Variants in FGF12 observed in about 807,000 individuals in gnomAD.
FGF12 encodes fibroblast growth factor 12, also known as fibroblast growth factor 12B.
A neutral mutation model predicts 23.6 loss-of-function variants in FGF12; 14 were observed. The observed-to-expected ratio is 0.59, with a 90% CI of 0.39 to 0.93. FGF12 has a LOEUF of 0.93. Among genes scored for constraint, FGF12 ranks in the 40% least tolerant of loss-of-function variants. The pLI is 0.00. For missense variants in FGF12, 175 were observed against 217.8 expected, an observed-to-expected ratio of 0.80 and a Z score of 1.24; for synonymous variants, 62 against 77.3, an observed-to-expected ratio of 0.80 and a Z score of 1.04.
At chr3:192,526,214 C>A (rs1724942969) in intron 2 of FGF12, among the ~76,000 whole-genome samples, 2 of 152,182 alleles carry the variant, frequency 1.3e-5, no homozygotes, top group South Asian at 4.1e-4. Flanking sequence ...GTCAATAAAC[C>A]TTCCCTGGCT....
intron 2 of FGF12, among the ~76,000 whole-genome samples, chr3:192,627,369 G>A (rs768724647): frequency 1.1e-4 from 16 of 151,668 alleles, no homozygotes; most frequent in Non-Finnish European, 1.8e-4. Flanking sequence ...TAGTTTTATT[G>A]CTATCATAAT....
At chr3:192,347,632 T>G (rs1465567553) in intron 3 of FGF12, among the ~76,000 whole-genome samples, 1 of 152,162 alleles carries the variant, frequency 6.6e-6, no homozygotes, top group Non-Finnish European at 1.5e-5. Flanking sequence ...GTGCACTAGA[T>G]GTTAATCTTA....
In FGF12 at chr3:192,625,175, C is replaced by T. The variant is rs1029882447; in HGVS notation, c.13+102006G>A. The stretch of plus-strand genomic sequence containing the variant: ...TCATCTTTCACATGTCCCAGGATAT[C>T]TGAGGTAAATTTCTGGAAGTAGAAT... On this transcript the variant is annotated intron_variant, in intron 2 of 5. Coordinates refer to ENST00000445105, the MANE Select transcript of FGF12 (RefSeq NM_004113.6). Among the ~76,000 whole-genome samples, 4 of 152,056 alleles carry T rather than the reference C, an allele frequency of 2.6e-5. No individual in the cohort carries two copies. The East Asian group carries it at 7.7e-4, about 29-fold the overall frequency.
rs143236618 is a variant in FGF12 at position 192,172,483 on chromosome 3, AATTAAT to A, written c.229-1833_229-1828del. ...TAGTAAGATAATATGAATAGCAATAAATTAATATTATGTTTATATTAATACTGAAAT... is the reference window on the plus strand; with the variant it reads ...TAGTAAGATAATATGAATAGCAATAAATTATGTTTATATTAATACTGAAAT... On this transcript the variant is annotated intron_variant, in intron 4 of 5. Coordinates refer to ENST00000445105, the MANE Select transcript of FGF12 (RefSeq NM_004113.6). Among the ~76,000 whole-genome samples, 288 of 150,880 alleles carry A rather than the reference AATTAAT, an allele frequency of 1.9e-3. 13 individuals carry two copies. The East Asian group carries it at 0.045, about 24-fold the overall frequency.
At chr3:192,481,958 T>C (rs1233276053) in intron 2 of FGF12, among the ~76,000 whole-genome samples, 1 of 152,188 alleles carries the variant, frequency 6.6e-6, no homozygotes, top group Non-Finnish European at 1.5e-5. Flanking sequence ...TTTTTATTTG[T>C]CTAAATATGA....
At chr3:192,636,541 T>C (rs1715591524) in intron 2 of FGF12, among the ~76,000 whole-genome samples, 1 of 152,238 alleles carries the variant, frequency 6.6e-6, no homozygotes, top group Admixed American at 6.5e-5. Context: ...GCTACATCTT[T>C]ACTTCTTTTC....
chr3:192,380,986 T>C (rs1339357876), intron 2 of FGF12, among the ~76,000 whole-genome samples: 1 of 149,996 alleles, frequency 6.7e-6, no homozygotes, highest in African/African-American at 2.4e-5. Flanking sequence ...CTATTTAACA[T>C]AATGTATCCC....
At chr3:192,722,938 G>A (rs1320668847) in intron 2 of FGF12, among the ~76,000 whole-genome samples, 1 of 152,042 alleles carries the variant, frequency 6.6e-6, no homozygotes, top group African/African-American at 2.4e-5. Flanking sequence ...TAAATAAAAA[G>A]CACAAAAATT....
intron 4 of FGF12, among the ~76,000 whole-genome samples, chr3:192,253,018 T>G (rs1030762295): frequency 3.9e-5 from 6 of 152,142 alleles, no homozygotes; most frequent in African/African-American, 1.4e-4. Context: ...AATGGATTTA[T>G]GAATTGATCA....
intron 2 of FGF12, among the ~76,000 whole-genome samples, chr3:192,634,851 G>A (rs957835309): frequency 2.0e-5 from 3 of 151,830 alleles, no homozygotes; most frequent in African/African-American, 7.3e-5. Flanking sequence ...TTCACAATAG[G>A]GATGAGAATA....
At chr3:192,331,554 T>A (rs908044881) in intron 4 of FGF12, among the ~76,000 whole-genome samples, 1 of 152,120 alleles carries the variant, frequency 6.6e-6, no homozygotes, top group Non-Finnish European at 1.5e-5. Flanking sequence ...CACAGATGAA[T>A]GTTGAGAACA....
intron 4 of FGF12, among the ~76,000 whole-genome samples, chr3:192,333,690 A>G (rs1486972809): frequency 1.3e-5 from 2 of 152,112 alleles, no homozygotes; most frequent in Non-Finnish European, 2.9e-5. Flanking sequence ...CTAATAAGCA[A>G]GTATGATGTA....
At chr3:192,429,876 T>C (rs1721809843) in intron 2 of FGF12, among the ~76,000 whole-genome samples, 2 of 152,192 alleles carry the variant, frequency 1.3e-5, no homozygotes, top group Non-Finnish European at 2.9e-5. Flanking sequence ...GATATTTTTT[T>C]GCAACAAACA....
At chr3:192,475,347 C>T (rs1272148238) in intron 2 of FGF12, among the ~76,000 whole-genome samples, 1 of 152,122 alleles carries the variant, frequency 6.6e-6, no homozygotes, top group African/African-American at 2.4e-5. Context: ...CAAGGAAGAC[C>T]TTTCCCCCTT....
chr3:192,497,466 A>C (rs1211204989), intron 2 of FGF12, among the ~76,000 whole-genome samples: 1 of 152,190 alleles, frequency 6.6e-6, no homozygotes, highest in Non-Finnish European at 1.5e-5. Context: ...TATAAATGTA[A>C]ATGGCTCATG....
intron 2 of FGF12, among the ~76,000 whole-genome samples, chr3:192,392,634 G>GAGAGAGAGAGA (rs1720355212): frequency 9.0e-6 from 1 of 110,618 alleles, no homozygotes; most frequent in African/African-American, 3.5e-5. Flanking sequence ...GAGAGAGAGA[G>GAGAGAGAGAGA]GAAGGGAGGG....
At chr3:192,500,356 T>C (rs894966578) in intron 2 of FGF12, among the ~76,000 whole-genome samples, 5 of 152,204 alleles carry the variant, frequency 3.3e-5, no homozygotes, top group Admixed American at 6.5e-5. Context: ...CTATTTACAA[T>C]TGAAGGTCTA....
In FGF12 at chr3:192,514,924, G is replaced by A; in HGVS notation, c.14-154386C>T. ...GGGAGCCCGGGCGCCGGCAGGGGGC[G>A]GGCCGGGACGCGGAAGTGCCGGTCC... On this transcript the variant is annotated intron_variant, in intron 2 of 5. Coordinates refer to ENST00000445105, the MANE Select transcript of FGF12 (RefSeq NM_004113.6). The surrounding 1 kb of genome is among the most constrained non-coding windows in gnomAD (Gnocchi z 4.9). 2.1e-6 allele frequency: 2 copies of A among 963,738 alleles called. No homozygotes were observed. The highest frequency in any genetic ancestry group is 2.5e-6 in the Non-Finnish European group (2 of 810,320). 59.7% of individuals were successfully genotyped at this position (963,738 alleles called of 1,614,324 possible).
intron 4 of FGF12, among the ~76,000 whole-genome samples, chr3:192,235,463 A>C (rs1217317829): frequency 6.6e-6 from 1 of 152,122 alleles, no homozygotes; most frequent in Non-Finnish European, 1.5e-5. Context: ...TTCAGGAATG[A>C]CAGGTGCATG....
Sources: allele counts gnomAD v4.1 joint callset (sites outside exome capture counted in the v4.1 genomes callset), GRCh38; gene constraint gnomAD v4.1.1; non-coding constraint Gnocchi (gnomAD v3.1); transcripts MANE v1.5; gene names NCBI Gene and HGNC (gene_info 2026-07-23, HGNC 2026-07-21).